Variants in PRRC2C observed in about 807,000 individuals in gnomAD.
PRRC2C encodes the protein protein PRRC2C.
Under a neutral mutation model 317.2 loss-of-function variants are expected in PRRC2C, and 72 were observed. The observed-to-expected ratio is 0.23, with a 90% CI of 0.19 to 0.28. The LOEUF is 0.28. PRRC2C is among the 10% of genes least tolerant of loss of function. The pLI, the probability that PRRC2C is intolerant of heterozygous loss-of-function variation, is 1.00. For missense variants in PRRC2C, 3,074 were observed against 3,459.7 expected, an observed-to-expected ratio of 0.89 and a Z score of 2.80; for synonymous variants, 1,296 against 1,205.9, an observed-to-expected ratio of 1.07 and a Z score of -1.55.
intron 26 of PRRC2C, 121 bp from the exon 27 acceptor site, chr1:171,579,233 C>T (rs1281615549): frequency 7.5e-7 from 1 of 1,341,716 alleles, no homozygotes; most frequent in Non-Finnish European, 9.8e-7. Context: ...TTTTCCATGG[C>T]TGTATTTTCA....
intron 10 of PRRC2C, among the ~76,000 whole-genome samples, chr1:171,526,125 T>C (rs768652971): frequency 6.6e-6 from 1 of 152,236 alleles, no homozygotes; most frequent in Non-Finnish European, 1.5e-5. Flanking sequence ...TTGACTTTTT[T>C]GTGACAGTCA....
chr1:171,505,026 A>ATTTTT (rs56282458), intron 1 of PRRC2C, among the ~76,000 whole-genome samples: 1 of 136,704 alleles, frequency 7.3e-6, no homozygotes, highest in African/African-American at 2.7e-5. Flanking sequence ...AAGTATTTCA[A>ATTTTT]TTTTTTTTTT....
At chr1:171,506,409 T>C (rs1323380038) in intron 1 of PRRC2C, among the ~76,000 whole-genome samples, 1 of 152,200 alleles carries the variant, frequency 6.6e-6, no homozygotes, top group Non-Finnish European at 1.5e-5. Context: ...TTGATTATGA[T>C]GGGCTTTGGT....
rs1022455334 is a variant in PRRC2C, at chr1:171,522,205, A to C, written c.779A>C (p.Tyr260Ser). The C allele has an allele frequency of 1.9e-5, 31 of 1,594,230 alleles. No individual in the cohort carries two copies. Among genetic ancestry groups the C allele is most frequent in the Non-Finnish European group, 2.6e-5 (30 of 1,165,118 alleles). ...YMFQQYPRMT[Y>S]PPLHGPMRFP... The stretch of plus-strand genomic sequence containing the variant: ...TTCCAACAGTATCCGAGGATGACAT[A>C]TCCTCCTCTACATGGTCCCATGAGA... Residue 260 changes from tyrosine (Y) to serine (S), a missense_variant, in exon 7 of 35, where the codon TAT (tyrosine) becomes TCT (serine). By Grantham distance (144) the Tyr-to-Ser change is moderately radical. Around this residue, in one of 11 missense-constraint regions of PRRC2C, gnomAD observed 237 missense variants for 199.5 expected, o/e 1.19. Coordinates refer to ENST00000647382, the MANE Select transcript of PRRC2C (RefSeq NM_001387844.1).
intron 16 of PRRC2C, 42 bp from the exon 17 acceptor site, chr1:171,545,437 G>T (rs1678896628): frequency 1.3e-6 from 2 of 1,497,696 alleles, no homozygotes; most frequent in South Asian, 1.2e-5. Context: ...TCTTTTGTTT[G>T]GGTAGGTGGA....
At chr1:171,495,320 A>G (rs1667919821) in intron 1 of PRRC2C, among the ~76,000 whole-genome samples, 1 of 152,230 alleles carries the variant, frequency 6.6e-6, no homozygotes, top group African/African-American at 2.4e-5. Context: ...ATATGACTGT[A>G]TAACTAATTG....
Position 171,557,760 on chromosome 1 carries a change from C to G in PRRC2C, c.5648C>G (p.Ser1883Cys), listed in dbSNP as rs1218733530. Residue 1883 changes from serine (S) to cysteine (C), a missense_variant, in exon 19 of 35, where the codon TCT (serine) becomes TGT (cysteine). Around this residue, in one of 11 missense-constraint regions of PRRC2C, gnomAD observed 640 missense variants for 676.1 expected, o/e 0.95. Coordinates refer to ENST00000647382, the MANE Select transcript of PRRC2C (RefSeq NM_001387844.1). ...GCTCCAACGCCAGCCCCAGCAGCCT[C>G]TTCCCCAGCTGCCCCAGTCATCACA... Reference protein sequence around the residue: ...TSAPTPAPAASSPAAPVITAP... With the variant: ...TSAPTPAPAACSPAAPVITAP... The G allele has an allele frequency of 1.3e-6, 2 of 1,551,222 alleles. No individual in the cohort carries two copies. Among genetic ancestry groups the G allele is most frequent in the Non-Finnish European group, 1.7e-6 (2 of 1,146,680 alleles).
chr1:171,529,290 T>C (rs760643), intron 11 of PRRC2C, among the ~76,000 whole-genome samples: 122,832 of 152,016 alleles, frequency 0.81, 49,752 homozygotes, highest in Middle Eastern at 0.9. Context: ...ACATTTAGCC[T>C]GAAAAGCTTT....
Position 171,523,506 on chromosome 1 carries a change from C to G in PRRC2C, c.1039C>G (p.Pro347Ala). 1.2e-6 allele frequency: 2 copies of G among 1,609,812 alleles called. No homozygotes were observed. Among genetic ancestry groups the G allele is most frequent in the Non-Finnish European group, 1.7e-6 (2 of 1,177,950 alleles). Residue 347 changes from proline (P) to alanine (A), a missense_variant, in exon 9 of 35, where the codon CCT becomes GCT. This residue lies in a region of PRRC2C where 1,320 missense variants were observed against 1,395.7 expected (regional missense o/e 0.95). Transcript: ENST00000647382. ...TGATGATGAACAAGGAAGTAACAGT[C>G]CTAAAGAGAATAACAGGTAAGTTGT... ...SDDDEQGSNS[P>A]KENNSEDQGS... is the part of the protein sequence containing the mutation.
chr1:171,578,480 G>A (rs531876832), intron 26 of PRRC2C, among the ~76,000 whole-genome samples: 6 of 152,190 alleles, frequency 3.9e-5, no homozygotes, highest in African/African-American at 1.2e-4. Context: ...TTGAACCCAG[G>A]TGATAATCAT....
intron 6 of PRRC2C, among the ~76,000 whole-genome samples, chr1:171,521,833 A>T (rs1277828094): frequency 6.6e-6 from 1 of 152,194 alleles, no homozygotes; most frequent in South Asian, 2.1e-4. Context: ...TTGTTGACAC[A>T]GTTACTTTAA....
intron 30 of PRRC2C, 155 bp downstream of exon 30, chr1:171,584,681 C>A: frequency 3.6e-6 from 3 of 835,440 alleles, no homozygotes; most frequent in Non-Finnish European, 5.3e-6. Context: ...ACTGGGTCCA[C>A]GTAGAAGGGG....
At position 171,540,905 on chromosome 1, in the gene PRRC2C, G is replaced by A. The variant is rs769965527; in HGVS notation, c.3439G>A (p.Asp1147Asn). The change falls in exon 16 of 35, where the codon GAC (aspartate) becomes AAC (asparagine). Residue 1147 changes from aspartate to asparagine, a missense_variant. Around this residue, in one of 11 missense-constraint regions of PRRC2C, gnomAD observed 1,320 missense variants for 1,395.7 expected, o/e 0.95. Coordinates refer to ENST00000647382, the MANE Select transcript of PRRC2C (RefSeq NM_001387844.1). Reference sequence around the variant, plus strand: ...ACAACCTGAGAAAGTCATCAGCAAAGACCTTGTTATAGAGAGGCCTCGACC... The same window carrying A: ...ACAACCTGAGAAAGTCATCAGCAAAAACCTTGTTATAGAGAGGCCTCGACC... ...EKQPEKVISK[D>N]LVIERPRPDS... 4 of 1,613,666 alleles carry A rather than the reference G, an allele frequency of 2.5e-6. No homozygotes were observed. In the African/African-American group the frequency reaches 4.0e-5, roughly 16 times the overall value.
intron 11 of PRRC2C, among the ~76,000 whole-genome samples, chr1:171,532,075 CA>C (rs1206739736): frequency 6.6e-6 from 1 of 152,148 alleles, no homozygotes. Context: ...TAGTTTTATT[CA>C]GCAAATACTG....
intron 24 of PRRC2C, among the ~76,000 whole-genome samples, chr1:171,574,526 A>G (rs938135306): frequency 2.6e-5 from 4 of 152,210 alleles, no homozygotes; most frequent in Non-Finnish European, 4.4e-5. Flanking sequence ...CCTAAAACCT[A>G]TCTTGTTACC....
chr1:171,514,679 C>G, intron 4 of PRRC2C, 34 bp downstream of exon 4: 8 of 1,514,650 alleles, frequency 5.3e-6, no homozygotes, highest in Non-Finnish European at 6.3e-6. Context: ...GCTGCCTAGG[C>G]TTGATAGTTA....
chr1:171,563,642 C>T lies in PRRC2C; in HGVS notation c.6117+2539C>T, dbSNP rs531871793. On this transcript the variant is annotated intron_variant, in intron 20 of 34. Transcript: ENST00000647382. ...AAGATTTTTTTTTCTTTAAAGAAGTCTTCCTGCTACTTCTGTCTCCACTCC... is the reference window on the plus strand; with the variant it reads ...AAGATTTTTTTTTCTTTAAAGAAGTTTTCCTGCTACTTCTGTCTCCACTCC... Among the ~76,000 whole-genome samples the T allele has an allele frequency of 3.3e-5, 5 of 152,188 alleles. No homozygotes were observed. The East Asian group carries it at 9.7e-4, about 29-fold the overall frequency.
chr1:171,576,637 G>A (rs1685742959), intron 25 of PRRC2C, among the ~76,000 whole-genome samples: 1 of 152,086 alleles, frequency 6.6e-6, no homozygotes, highest in African/African-American at 2.4e-5. Flanking sequence ...CTATATACCA[G>A]GTGGTTTTGT....
At chr1:171,545,310 A>G (rs1286597734) in intron 16 of PRRC2C, among the ~76,000 whole-genome samples, 169 bp from the exon 17 acceptor site, 2 of 152,230 alleles carry the variant, frequency 1.3e-5, no homozygotes, top group Admixed American at 6.5e-5. Flanking sequence ...ACCCGGTTTT[A>G]GTAAGGTTGT....
Sources: allele counts gnomAD v4.1 joint callset (sites outside exome capture counted in the v4.1 genomes callset), GRCh38; gene constraint gnomAD v4.1.1; regional missense constraint gnomAD v4.1.1; transcripts MANE v1.5; gene names NCBI Gene and HGNC (gene_info 2026-07-23, HGNC 2026-07-21).